Variants in CNTNAP5 observed in about 807,000 individuals in gnomAD.
The protein encoded by CNTNAP5 is contactin-associated protein-like 5.
Under a neutral mutation model 150.2 loss-of-function variants are expected in CNTNAP5, and 72 were observed. The observed-to-expected ratio is 0.48, with a 90% CI of 0.40 to 0.58. The LOEUF (loss-of-function observed/expected upper bound fraction) is 0.58, where lower values mean the gene tolerates loss of function less well. Among genes scored for constraint, CNTNAP5 ranks in the 20% least tolerant of loss-of-function variants. The pLI is 0.00. For missense variants in CNTNAP5, 1,636 were observed against 1,626.2 expected (o/e 1.01, Z -0.10); for synonymous variants, 672 against 619.8 (o/e 1.08, Z -1.25).
intron 17 of CNTNAP5, among the ~76,000 whole-genome samples, chr2:124,788,706 T>C (rs1681653184): frequency 6.6e-6 from 1 of 151,844 alleles, no homozygotes; most frequent in African/African-American, 2.4e-5. Context: ...GTTCAAGCTA[T>C]TTTTCTGCCT....
At chr2:124,819,689 A>G (rs975597210) in intron 19 of CNTNAP5, among the ~76,000 whole-genome samples, 1 of 152,186 alleles carries the variant, frequency 6.6e-6, no homozygotes, top group African/African-American at 2.4e-5. Flanking sequence ...TCAAAGTTAA[A>G]GGAAAGAAAC....
intron 11 of CNTNAP5, among the ~76,000 whole-genome samples, chr2:124,609,091 A>G (rs376927896): frequency 2.6e-5 from 4 of 152,208 alleles, no homozygotes; most frequent in Non-Finnish European, 5.9e-5. Flanking sequence ...ACATCAAATG[A>G]CACGTGACCA....
intron 13 of CNTNAP5, among the ~76,000 whole-genome samples, chr2:124,663,376 A>G (rs1484690387): frequency 1.3e-5 from 2 of 152,236 alleles, no homozygotes; most frequent in Non-Finnish European, 2.9e-5. Flanking sequence ...TAATCATTCC[A>G]TAAGTTGCCC....
intron 3 of CNTNAP5, among the ~76,000 whole-genome samples, chr2:124,314,059 C>A (rs761567481): frequency 5.9e-5 from 9 of 152,150 alleles, no homozygotes; most frequent in Non-Finnish European, 1.0e-4. Flanking sequence ...TTCAGAAATA[C>A]CGTGCGTGGA....
intron 1 of CNTNAP5, among the ~76,000 whole-genome samples, chr2:124,185,819 C>A (rs940125802): frequency 6.6e-6 from 1 of 152,142 alleles, no homozygotes. Flanking sequence ...CTTTGCTTCC[C>A]AGGGAGGGGG....
At position 124,574,464 on chromosome 2, in the gene CNTNAP5, CAT is replaced by C. The variant is rs1365010481; in HGVS notation, c.1756+11143_1756+11144del. On this transcript the variant is annotated intron_variant, in intron 11 of 23. Coordinates refer to ENST00000682447, the MANE Select transcript of CNTNAP5 (RefSeq NM_001367498.1). ...CCTAAAATAACAATTACATAAACCA[CAT>C]AGTCCACATCTTGTCTATAGAAAGC... Among the ~76,000 whole-genome samples, 3 of 152,214 alleles carry C rather than the reference CAT, an allele frequency of 2.0e-5. No individual in the cohort carries two copies. The East Asian group carries it at 5.8e-4, about 29-fold the overall frequency.
At chr2:124,043,677 T>A (rs116697775) in intron 1 of CNTNAP5, among the ~76,000 whole-genome samples, 2,004 of 152,284 alleles carry the variant, frequency 0.013, 28 homozygotes, top group Non-Finnish European at 0.02. Flanking sequence ...CTGTGTGGGC[T>A]ACAATGTGAT....
chr2:124,134,457 G>A (rs1423990950), intron 1 of CNTNAP5, among the ~76,000 whole-genome samples: 1 of 152,010 alleles, frequency 6.6e-6, no homozygotes, highest in Non-Finnish European at 1.5e-5. Context: ...AATTAGTTTG[G>A]AAACAACATT....
At chr2:124,124,448 A>G (rs1296517048) in intron 1 of CNTNAP5, among the ~76,000 whole-genome samples, 9 of 152,212 alleles carry the variant, frequency 5.9e-5, no homozygotes, top group Non-Finnish European at 1.2e-4. Flanking sequence ...TGGTGTACCT[A>G]AAAGAGACGG....
chr2:124,196,737 A>G (rs1221932863), intron 1 of CNTNAP5, among the ~76,000 whole-genome samples: 1 of 152,220 alleles, frequency 6.6e-6, no homozygotes, highest in Non-Finnish European at 1.5e-5. Flanking sequence ...GCAAATTAGT[A>G]AAATACCAAA....
At chr2:124,657,838 A>G (rs1678491444) in intron 13 of CNTNAP5, among the ~76,000 whole-genome samples, 1 of 152,086 alleles carries the variant, frequency 6.6e-6, no homozygotes, top group African/African-American at 2.4e-5. Flanking sequence ...TCCTCTCTCC[A>G]TGCTTAGCTG....
intron 7 of CNTNAP5, among the ~76,000 whole-genome samples, chr2:124,486,375 A>C (rs541546744): frequency 6.6e-6 from 1 of 152,204 alleles, no homozygotes; most frequent in South Asian, 2.1e-4. Flanking sequence ...TGACAGGTCC[A>C]TCAATATCTC....
chr2:124,769,744 G>T (rs1681150459), intron 16 of CNTNAP5, among the ~76,000 whole-genome samples: 1 of 152,230 alleles, frequency 6.6e-6, no homozygotes, highest in South Asian at 2.1e-4. Context: ...TTTTATCGCA[G>T]GAATAATAAT....
intron 1 of CNTNAP5, among the ~76,000 whole-genome samples, chr2:124,185,032 G>T (rs189685538): frequency 1.3e-5 from 2 of 152,130 alleles, no homozygotes; most frequent in East Asian, 3.9e-4. Flanking sequence ...CCCATACTCA[G>T]TATCTTCTAT....
intron 6 of CNTNAP5, among the ~76,000 whole-genome samples, chr2:124,459,810 A>C (rs1693206525): frequency 6.6e-6 from 1 of 151,752 alleles, no homozygotes; most frequent in South Asian, 2.1e-4. Flanking sequence ...TGGGAATAAT[A>C]CAGCCCATGT....
At chr2:124,235,605 G>A (rs772854655) in intron 2 of CNTNAP5, among the ~76,000 whole-genome samples, 1 of 152,076 alleles carries the variant, frequency 6.6e-6, no homozygotes, top group African/African-American at 2.4e-5. Flanking sequence ...TCCCATAGAT[G>A]GGCTTTCCTT....
chr2:124,841,593 C>T (rs555200010), intron 19 of CNTNAP5, among the ~76,000 whole-genome samples: 1 of 152,190 alleles, frequency 6.6e-6, no homozygotes, highest in Admixed American at 6.5e-5. Flanking sequence ...GATGTTCCCT[C>T]GCAGCATTCC....
intron 11 of CNTNAP5, among the ~76,000 whole-genome samples, chr2:124,602,115 C>T (rs111414239): frequency 1.2e-3 from 190 of 152,088 alleles, no homozygotes; most frequent in African/African-American, 4.3e-3. Flanking sequence ...GAGGCCGAGG[C>T]GGGTGGATCA....
intron 13 of CNTNAP5, among the ~76,000 whole-genome samples, chr2:124,734,821 G>A (rs942354062): frequency 9.9e-5 from 15 of 152,128 alleles, no homozygotes; most frequent in Admixed American, 2.0e-4. Context: ...TTAGCAATCC[G>A]TGGTGTCATC....
Sources: allele counts gnomAD v4.1 joint callset (sites outside exome capture counted in the v4.1 genomes callset), GRCh38; gene constraint gnomAD v4.1.1; transcripts MANE v1.5; gene names NCBI Gene and HGNC (gene_info 2026-07-23, HGNC 2026-07-21).